Variants in ATG10 observed in about 807,000 individuals in gnomAD.
ATG10 encodes the protein ubiquitin-like-conjugating enzyme ATG10.
ATG10 carries 30 observed loss-of-function variants against 32.1 expected under a neutral mutation model. The observed-to-expected ratio is 0.94, with a 90% CI of 0.70 to 1.27. ATG10 has a LOEUF of 1.27. Ranked by LOEUF, ATG10 falls within the 50% of genes most tolerant of loss-of-function variation. The probability of loss-of-function intolerance (pLI) is 0.00; values close to 1 mark genes in which losing one functional copy is unlikely to be tolerated. For missense variants in ATG10, 233 were observed against 262.3 expected, an observed-to-expected ratio of 0.89 and a Z score of 0.77; for synonymous variants, 87 against 91.5, an observed-to-expected ratio of 0.95 and a Z score of 0.28.
chr5:82,160,318 C>T (rs1743265214), intron 3 of ATG10, among the ~76,000 whole-genome samples: 1 of 152,090 alleles, frequency 6.6e-6, no homozygotes, highest in Admixed American at 6.6e-5. Context: ...AGCATAATTC[C>T]CTGGAGATTC....
At chr5:82,040,411 T>G (rs900543170) in intron 2 of ATG10, among the ~76,000 whole-genome samples, 1 of 152,226 alleles carries the variant, frequency 6.6e-6, no homozygotes, top group African/African-American at 2.4e-5. Context: ...ACAGGCATTC[T>G]CATGCATTAC....
intron 3 of ATG10, among the ~76,000 whole-genome samples, chr5:82,100,155 C>A (rs1313329030): frequency 1.3e-5 from 2 of 151,278 alleles, no homozygotes; most frequent in Admixed American, 1.3e-4. Flanking sequence ...ATTACAGGTG[C>A]CTGCCACCAC....
At chr5:82,145,067 C>G (rs1056192839) in intron 3 of ATG10, among the ~76,000 whole-genome samples, 1 of 151,828 alleles carries the variant, frequency 6.6e-6, no homozygotes, top group Non-Finnish European at 1.5e-5. Flanking sequence ...TACTCTTAAT[C>G]TTAGTCTGTT....
At chr5:82,124,036 C>T (rs927153019) in intron 3 of ATG10, among the ~76,000 whole-genome samples, 1 of 150,980 alleles carries the variant, frequency 6.6e-6, no homozygotes, top group African/African-American at 2.4e-5. Context: ...TAAAAATGGG[C>T]TATCTACTTT....
At chr5:82,145,238 G>C (rs1208180755) in intron 3 of ATG10, among the ~76,000 whole-genome samples, 1 of 151,776 alleles carries the variant, frequency 6.6e-6, no homozygotes, top group Admixed American at 6.6e-5. Flanking sequence ...TAGTGCATTG[G>C]CATTTATGTA....
chr5:82,135,352 G>C (rs997297220), intron 3 of ATG10, among the ~76,000 whole-genome samples: 1 of 152,162 alleles, frequency 6.6e-6, no homozygotes, highest in Non-Finnish European at 1.5e-5. Flanking sequence ...GCTTTCTTCT[G>C]TGGGCATTTT....
intron 3 of ATG10, among the ~76,000 whole-genome samples, chr5:82,089,889 G>A (rs1016519395): frequency 1.3e-5 from 2 of 151,730 alleles, no homozygotes; most frequent in Admixed American, 6.6e-5. Flanking sequence ...AGAACTCCCA[G>A]AACTTAACAT....
chr5:82,104,089 A>G (rs569342907), intron 3 of ATG10, among the ~76,000 whole-genome samples: 1 of 152,246 alleles, frequency 6.6e-6, no homozygotes, highest in East Asian at 1.9e-4. Context: ...ACATTCTACA[A>G]AATGATAGAT....
Position 82,254,828 on chromosome 5 carries a change from T to C in ATG10, c.*765T>C, listed in dbSNP as rs2150035039. 1 of 152,144 alleles carries C rather than the reference T, an allele frequency of 6.6e-6. No homozygotes were observed. Among genetic ancestry groups the C allele is most frequent in the South Asian group, 2.1e-4 (1 of 4,808 alleles). The allele number at this position is 152,144 out of a possible 1,614,324, so 9.4% of individuals were successfully genotyped here. A position where few individuals can be genotyped will look rare whatever the true frequency, so the allele number is the denominator to read the frequency against. On this transcript the variant is annotated 3_prime_UTR_variant, in exon 8 of 8. Coordinates refer to ENST00000282185, the MANE Select transcript of ATG10 (RefSeq NM_031482.5). Reference sequence around the variant, plus strand: ...AAACATGACCTATCTTAAGTGATTTTCCCACAATCAAACTCAGGAACAATA... The same window carrying C: ...AAACATGACCTATCTTAAGTGATTTCCCCACAATCAAACTCAGGAACAATA...
chr5:81,972,960 GA>G (rs1760768062), intron 1 of ATG10, among the ~76,000 whole-genome samples: 1 of 152,158 alleles, frequency 6.6e-6, no homozygotes, highest in Non-Finnish European at 1.5e-5. Flanking sequence ...AGATGATTTA[GA>G]TGTCTAGGGG....
chr5:82,186,137 A>G (rs902882370), intron 5 of ATG10, among the ~76,000 whole-genome samples: 2 of 152,322 alleles, frequency 1.3e-5, no homozygotes, highest in Admixed American at 1.3e-4. Context: ...CTGCTTCAGA[A>G]TCACTGCCAG....
chr5:82,183,763 G>T (rs926879787), intron 5 of ATG10, among the ~76,000 whole-genome samples: 1 of 152,142 alleles, frequency 6.6e-6, no homozygotes, highest in Non-Finnish European at 1.5e-5. Flanking sequence ...ATAAATGCTT[G>T]ATTCTTTCCC....
intron 3 of ATG10, among the ~76,000 whole-genome samples, chr5:82,164,076 C>T (rs879403630): frequency 6.6e-6 from 1 of 152,138 alleles, no homozygotes; most frequent in Non-Finnish European, 1.5e-5. Flanking sequence ...CTTATATAGC[C>T]ATCATCTTGT....
At chr5:82,155,474 C>G (rs190903280) in intron 3 of ATG10, among the ~76,000 whole-genome samples, 35 of 152,254 alleles carry the variant, frequency 2.3e-4, no homozygotes, top group Admixed American at 3.9e-4. Flanking sequence ...TAAAATGTCA[C>G]TGGAGTACAG....
intron 2 of ATG10, among the ~76,000 whole-genome samples, chr5:81,993,815 C>A (rs1761579872): frequency 6.6e-6 from 1 of 152,036 alleles, no homozygotes; most frequent in Non-Finnish European, 1.5e-5. Flanking sequence ...AGAAATAATG[C>A]TATAAATGAA....
intron 4 of ATG10, among the ~76,000 whole-genome samples, chr5:82,174,457 C>G (rs1374971047): frequency 1.3e-5 from 2 of 152,142 alleles, no homozygotes; most frequent in African/African-American, 4.8e-5. Context: ...TTCTTCCAGT[C>G]CTTGTGGCTA....
At chr5:81,988,868 C>T (rs1761368753) in intron 2 of ATG10, among the ~76,000 whole-genome samples, 1 of 152,124 alleles carries the variant, frequency 6.6e-6, no homozygotes, top group African/African-American at 2.4e-5. Context: ...CTTGCTTTGT[C>T]ACCCAGGCTG....
chr5:82,153,910 A>ATTTT (rs11346832), intron 3 of ATG10, among the ~76,000 whole-genome samples: 1 of 130,096 alleles, frequency 7.7e-6, no homozygotes. Context: ...CCTGCTGCCT[A>ATTTT]TTTTTTTTTT....
intron 3 of ATG10, among the ~76,000 whole-genome samples, chr5:82,111,994 A>G (rs1007659194): frequency 6.6e-6 from 1 of 152,020 alleles, no homozygotes; most frequent in African/African-American, 2.4e-5. Flanking sequence ...AATTCAAAAG[A>G]AGAGAAAACT....
Sources: gnomAD v4.1 joint callset for allele counts (sites outside exome capture counted in the v4.1 genomes callset) on GRCh38, gnomAD v4.1.1 for gene constraint, MANE v1.5 for transcripts, NCBI Gene and HGNC (gene_info 2026-07-23, HGNC 2026-07-21) for gene names.